ANK3: variants seen among roughly 807,000 people sequenced by gnomAD.
ANK3 encodes the protein ankyrin-3.
ANK3 carries 57 observed loss-of-function variants against 370.9 expected under a neutral mutation model. The observed-to-expected ratio is 0.15, with a 90% CI of 0.12 to 0.19. The LOEUF is 0.19. Ranked by LOEUF, ANK3 falls within the 10% of genes least tolerant of loss-of-function variation. The probability of loss-of-function intolerance (pLI) is 1.00; values close to 1 mark genes in which losing one functional copy is unlikely to be tolerated. For missense variants in ANK3, 4,439 were observed against 5,302.1 expected (o/e 0.84, Z 5.06); for synonymous variants, 1,929 against 1,946.3 (o/e 0.99, Z 0.23).
chr10:60,236,989 T>C (rs995844133), intron 7 of ANK3, among the ~76,000 whole-genome samples: 8 of 152,224 alleles, frequency 5.3e-5, no homozygotes, highest in Admixed American at 2.0e-4. Flanking sequence ...AAACAGGCAG[T>C]GCGCTGGATT....
rs181001757 is a variant in ANK3 at position 60,477,704 on chromosome 10, T to C, written c.96+137482A>G. Among the ~76,000 whole-genome samples the C allele has an allele frequency of 2.4e-3, 358 of 152,094 alleles. 1 individual carries two copies. The highest frequency in any genetic ancestry group is 8.3e-3 in the African/African-American group (344 of 41,530). On this transcript the variant is annotated intron_variant, in intron 2 of 43. Transcript: ENST00000373827. Reference sequence around the variant, plus strand: ...ATAAAAATACATAAATTTAGAAAGTTCTTAGAAAGCCCAGGAAGTTCCCAC... The same window carrying C: ...ATAAAAATACATAAATTTAGAAAGTCCTTAGAAAGCCCAGGAAGTTCCCAC...
At chr10:60,599,792 G>A (rs2078035566) in intron 2 of ANK3, among the ~76,000 whole-genome samples, 1 of 152,136 alleles carries the variant, frequency 6.6e-6, no homozygotes, top group African/African-American at 2.4e-5. Flanking sequence ...AAGCCATCTA[G>A]AGATTTCATA....
chr10:60,572,625 C>T (rs766189299), intron 2 of ANK3: 2 of 1,495,902 alleles, frequency 1.3e-6, no homozygotes, highest in Non-Finnish European at 1.8e-6. Flanking sequence ...AGACCAAAGT[C>T]CATTTACGGG....
intron 12 of ANK3, 79 bp from the exon 13 acceptor site, chr10:60,200,306 T>A (rs750163959): frequency 8.8e-7 from 1 of 1,136,858 alleles, no homozygotes; most frequent in African/African-American, 1.5e-5. Context: ...AAGCTTATGA[T>A]GGACTTTTTT....
rs2084733297 is a variant in ANK3, at chr10:60,079,717, C to T, written c.4432+820G>A. ...TATGTCAGTCAAATACAATGCTGAG[C>T]TCAATACCCTTAGTTCCTGCTGGTG... On this transcript the variant is annotated intron_variant, in intron 36 of 43. Transcript: ENST00000280772. 7.9e-5 allele frequency among the ~76,000 whole-genome samples: 12 copies of T among 152,222 alleles called. No individual in the cohort carries two copies. The South Asian group carries it at 2.1e-3, about 26-fold the overall frequency.
intron 25 of ANK3, among the ~76,000 whole-genome samples, chr10:60,119,686 C>T (rs903067728): frequency 1.3e-5 from 2 of 152,064 alleles, no homozygotes; most frequent in Admixed American, 6.6e-5. Flanking sequence ...ACAGGAGAAT[C>T]GCTTGAACCC....
chr10:60,091,764 C>T (rs561558680), intron 28 of ANK3, among the ~76,000 whole-genome samples: 92 of 150,968 alleles, frequency 6.1e-4, no homozygotes, highest in Non-Finnish European at 1.0e-3. Context: ...CGGAGTCTCG[C>T]TCTATCGCTA....
At position 60,367,052 on chromosome 10, in the gene ANK3, T is replaced by A. The variant is rs1047724312; in HGVS notation, c.114+22373A>T. 5.9e-5 allele frequency among the ~76,000 whole-genome samples: 9 copies of A among 152,320 alleles called. No homozygotes were observed. In the South Asian group the frequency reaches 1.9e-3, roughly 32 times the overall value. ...CTTTCCCAACATCGTTCTAAAGAGATTAACCTTGTTAAAATTTTCTGTTAC... is the reference window on the plus strand; with the variant it reads ...CTTTCCCAACATCGTTCTAAAGAGAATAACCTTGTTAAAATTTTCTGTTAC... On this transcript the variant is annotated intron_variant, in intron 1 of 43. Transcript: ENST00000280772.
intron 2 of ANK3, among the ~76,000 whole-genome samples, chr10:60,556,816 G>C (rs982689701): frequency 6.6e-6 from 1 of 152,198 alleles, no homozygotes; most frequent in Non-Finnish European, 1.5e-5. Context: ...ACTGGTCTGT[G>C]GCCTGTTAGG....
intron 28 of ANK3, among the ~76,000 whole-genome samples, chr10:60,096,064 T>C (rs2090069441): frequency 6.6e-6 from 1 of 151,794 alleles, no homozygotes; most frequent in African/African-American, 2.4e-5. Flanking sequence ...ATCCCAGCTA[T>C]CGGGAGGCTG....
chr10:60,505,073 C>T (rs1245442204), intron 2 of ANK3, among the ~76,000 whole-genome samples: 1 of 152,098 alleles, frequency 6.6e-6, no homozygotes, highest in Non-Finnish European at 1.5e-5. Context: ...GTCTAAGATT[C>T]ATTTTGTAAT....
intron 1 of ANK3, among the ~76,000 whole-genome samples, chr10:60,687,078 C>G (rs540063150): frequency 6.6e-6 from 1 of 152,238 alleles, no homozygotes; most frequent in South Asian, 2.1e-4. Context: ...TAGGCTACAG[C>G]CTGGGCGTGT....
At chr10:60,671,347 C>G (rs752737537) in intron 1 of ANK3, among the ~76,000 whole-genome samples, 61 of 152,232 alleles carry the variant, frequency 4.0e-4, no homozygotes, top group Non-Finnish European at 8.2e-4. Flanking sequence ...ACAGGATCTT[C>G]CCTCTCCCCT....
intron 8 of ANK3, among the ~76,000 whole-genome samples, chr10:60,226,544 T>C (rs1367733412): frequency 6.0e-5 from 1 of 16,628 alleles, no homozygotes; most frequent in Admixed American, 7.6e-4. Context: ...ATACATAGTA[T>C]ATATACTATA....
intron 42 of ANK3, among the ~76,000 whole-genome samples, chr10:60,048,816 G>T (rs749478002): frequency 1.8e-4 from 28 of 152,216 alleles, no homozygotes; most frequent in Non-Finnish European, 3.8e-4. Context: ...AGCTGCTGCT[G>T]TCTGGCTGTG....
chr10:60,079,808 A>G (rs2084756893), intron 36 of ANK3, among the ~76,000 whole-genome samples: 1 of 152,092 alleles, frequency 6.6e-6, no homozygotes, highest in African/African-American at 2.4e-5. Flanking sequence ...ATGGAAGGAA[A>G]GGGAGGAGGA....
At chr10:60,701,295 A>G (rs2079542956) in intron 1 of ANK3, among the ~76,000 whole-genome samples, 1 of 152,172 alleles carries the variant, frequency 6.6e-6, no homozygotes, top group South Asian at 2.1e-4. Flanking sequence ...TCGAGAATAT[A>G]AAACAGTACA....
chr10:60,229,872 C>T (rs2132520347), intron 8 of ANK3, among the ~76,000 whole-genome samples: 2 of 152,202 alleles, frequency 1.3e-5, no homozygotes, highest in Admixed American at 1.3e-4. Context: ...CTAAGATGAC[C>T]ACGTGCATCT....
At chr10:60,287,238 A>C (rs1468280100) in intron 1 of ANK3, among the ~76,000 whole-genome samples, 1 of 152,152 alleles carries the variant, frequency 6.6e-6, no homozygotes, top group Non-Finnish European at 1.5e-5. Context: ...TTACTTTTAA[A>C]GTGCTAGTTC....
Sources: allele counts gnomAD v4.1 joint callset (sites outside exome capture counted in the v4.1 genomes callset), GRCh38; gene constraint gnomAD v4.1.1; transcripts MANE v1.5; gene names NCBI Gene and HGNC (gene_info 2026-07-23, HGNC 2026-07-21).